AFDN: variants seen among roughly 807,000 people sequenced by gnomAD.
AFDN encodes afadin.
A neutral mutation model predicts 216.6 loss-of-function variants in AFDN; 68 were observed. The ratio of observed to expected loss-of-function variants is 0.31; its 90% CI spans 0.26 to 0.38. The LOEUF is 0.38. AFDN is among the 10% of genes least tolerant of loss of function. The pLI is 1.00. For synonymous variants in AFDN, 868 were observed against 853.7 expected (o/e 1.02, Z -0.29); for missense variants, 2,136 against 2,342.0 (o/e 0.91, Z 1.82).
chr6:167,923,990 T>G (rs1295889436), intron 22 of AFDN, among the ~76,000 whole-genome samples: 1 of 152,202 alleles, frequency 6.6e-6, no homozygotes, highest in Admixed American at 6.5e-5. Context: ...CAGCAACTTC[T>G]GTTTACCCAA....
chr6:167,966,347 C>T, intron 32 of AFDN: 3 of 1,270,738 alleles, frequency 2.4e-6, no homozygotes, highest in Non-Finnish European at 3.1e-6. Flanking sequence ...CACACTTGCC[C>T]TGTAGTATGG....
At chr6:167,928,091 A>C (rs1792801830) in intron 23 of AFDN, among the ~76,000 whole-genome samples, 1 of 152,254 alleles carries the variant, frequency 6.6e-6, no homozygotes, top group Non-Finnish European at 1.5e-5. Context: ...TCCAGTTAAA[A>C]GAAGTATCTT....
chr6:167,898,568 A>T lies in AFDN; in HGVS notation c.1580+101A>T, dbSNP rs547296550. The stretch of plus-strand genomic sequence containing the variant: ...GCTTTTTATTTTTGTTTCAATTTTT[A>T]AAAAAATATCAAAGTGAAGTTTGTG... On this transcript the variant is annotated intron_variant, in intron 11 of 33. Coordinates refer to ENST00000683244, the MANE Select transcript of AFDN (RefSeq NM_001386888.1). 8.5e-5 allele frequency: 109 copies of T among 1,289,488 alleles called. No individual in the cohort carries two copies. The East Asian group carries it at 2.1e-3, about 24-fold the overall frequency. 79.9% of individuals were successfully genotyped at this position (1,289,488 alleles called of 1,614,324 possible).
At chr6:167,919,004 C>T in intron 21 of AFDN, 71 bp downstream of exon 21, 1 of 1,338,462 alleles carries the variant, frequency 7.5e-7, no homozygotes, top group South Asian at 1.3e-5. Context: ...CATTGTCCAT[C>T]TCATAGGGTA....
chr6:167,907,131 G>T (rs1291268283), intron 12 of AFDN, 40 bp from the exon 13 acceptor site: 20 of 1,522,328 alleles, frequency 1.3e-5, no homozygotes, highest in Non-Finnish European at 1.8e-5. Flanking sequence ...TGGTTGGTCT[G>T]TGTGAGGTTC....
At chr6:167,880,814 TC>T (rs1786016996) in intron 6 of AFDN, among the ~76,000 whole-genome samples, 1 of 152,204 alleles carries the variant, frequency 6.6e-6, no homozygotes, top group Non-Finnish European at 1.5e-5. Context: ...TCTTTTCTGT[TC>T]CATTGATACA....
In AFDN at chr6:167,951,476, A is replaced by G. The variant is rs1212392119; in HGVS notation, c.4122A>G (p.Pro1374=). ...CAATCCGAACAGACCTGCCTCCGCCACCCCCGCCACCTCCAGTCCACTATG... is the reference window on the plus strand; with the variant it reads ...CAATCCGAACAGACCTGCCTCCGCCGCCCCCGCCACCTCCAGTCCACTATG... ...SQPIRTDLPP[P]PPPPPVHYAG... is the part of the protein sequence containing the mutation. The change falls in exon 30 of 34, where the codon CCA becomes CCG. Residue 1374 remains proline, a synonymous_variant. Coordinates refer to ENST00000683244, the MANE Select transcript of AFDN (RefSeq NM_001386888.1). The surrounding 1 kb of genome is among the most constrained non-coding windows in gnomAD (Gnocchi z 7.1). 2 of 1,613,080 alleles carry G rather than the reference A, an allele frequency of 1.2e-6. No individual in the cohort carries two copies. The highest frequency in any genetic ancestry group is 2.7e-5 in the African/African-American group (2 of 74,724).
intron 13 of AFDN, 78 bp from the exon 14 acceptor site, chr6:167,911,023 C>T: frequency 8.3e-7 from 1 of 1,198,232 alleles, no homozygotes; most frequent in South Asian, 1.3e-5. Flanking sequence ...AAAGTAGTTG[C>T]AGAAATCTAC....
intron 6 of AFDN, among the ~76,000 whole-genome samples, chr6:167,888,758 C>T (rs538429622): frequency 2.6e-5 from 4 of 151,994 alleles, no homozygotes; most frequent in Non-Finnish European, 4.4e-5. Context: ...TTCAAGAAAA[C>T]GAAAACTATT....
chr6:167,873,564 C>T (rs982760115), intron 4 of AFDN, among the ~76,000 whole-genome samples: 1 of 152,126 alleles, frequency 6.6e-6, no homozygotes, highest in Non-Finnish European at 1.5e-5. Context: ...AGGGTGCATT[C>T]TAGAAGAATG....
chr6:167,917,114 A>C lies in AFDN; in HGVS notation c.2591A>C (p.Lys864Thr). The part of the protein sequence containing the change: ...VQATTLLTMD[K>T]YAPDDIPNIN... The stretch of plus-strand genomic sequence containing the variant: ...GCAACGACTTTGCTTACCATGGATA[A>C]GTATGCACCTGATGACATTCCAAAT... Residue 864 changes from lysine to threonine, a missense_variant, in exon 20 of 34, where the codon AAG (lysine) becomes ACG (threonine). Physicochemically the swap from Lys to Thr is moderately conservative, Grantham distance 78. Coordinates refer to ENST00000683244, the MANE Select transcript of AFDN (RefSeq NM_001386888.1). 2 of 1,612,950 alleles carry C rather than the reference A, an allele frequency of 1.2e-6. No homozygotes were observed. Among genetic ancestry groups the C allele is most frequent in the Non-Finnish European group, 1.7e-6 (2 of 1,179,634 alleles).
chr6:167,954,592 C>A, intron 30 of AFDN: 2 of 997,902 alleles, frequency 2.0e-6, no homozygotes, highest in Non-Finnish European at 1.5e-6. Context: ...TCCAGTTCTC[C>A]TTAGGGGTGT....
chr6:167,925,100 A>G lies in AFDN; in HGVS notation c.3099+9A>G, dbSNP rs770326175. 18 of 1,597,194 alleles carry G rather than the reference A, an allele frequency of 1.1e-5. No homozygotes were observed. The highest frequency in any genetic ancestry group is 1.7e-4 in the Middle Eastern group (1 of 6,048). ...GCATTGTTGCAGCAAAGGTAGGCCA[A>G]TTAGTCACGTGCGAGTTGTTCTCTC... is the stretch of plus-strand genomic sequence containing the variant. On this transcript the variant is annotated intron_variant, in intron 23 of 33. Coordinates refer to ENST00000683244, the MANE Select transcript of AFDN (RefSeq NM_001386888.1).
intron 1 of AFDN, among the ~76,000 whole-genome samples, chr6:167,837,761 A>AC (rs1780609745): frequency 6.6e-6 from 1 of 152,172 alleles, no homozygotes; most frequent in African/African-American, 2.4e-5. Context: ...AGTGATTGGA[A>AC]CCCAGATCCT....
chr6:167,897,989 T>G (rs1364832244), intron 10 of AFDN, among the ~76,000 whole-genome samples: 1 of 152,148 alleles, frequency 6.6e-6, no homozygotes, highest in Non-Finnish European at 1.5e-5. Context: ...CTTAAGTCAC[T>G]GGGTACTAAA....
At chr6:167,960,514 A>G (rs1030477506) in intron 30 of AFDN, among the ~76,000 whole-genome samples, 1 of 152,256 alleles carries the variant, frequency 6.6e-6, no homozygotes, top group Non-Finnish European at 1.5e-5. Context: ...AGAAAATATT[A>G]ACATAAATTA....
chr6:167,854,678 C>T (rs573458034), intron 1 of AFDN, among the ~76,000 whole-genome samples: 5 of 151,680 alleles, frequency 3.3e-5, no homozygotes, highest in Admixed American at 6.6e-5. Flanking sequence ...TGAAGAACTT[C>T]GTCTTTTCCA....
chr6:167,905,827 C>G (rs1234823628), intron 12 of AFDN, among the ~76,000 whole-genome samples: 1 of 152,108 alleles, frequency 6.6e-6, no homozygotes, highest in South Asian at 2.1e-4. Flanking sequence ...TCTTATGGGC[C>G]GGATGTGGTG....
At position 167,969,953 on chromosome 6, in the gene AFDN, A is replaced by G. The variant is rs1188276933; in HGVS notation, c.*18A>G. On this transcript the variant is annotated 3_prime_UTR_variant, in exon 34 of 34. Coordinates refer to ENST00000683244, the MANE Select transcript of AFDN (RefSeq NM_001386888.1). The stretch of plus-strand genomic sequence containing the variant: ...CAAAGTGAAAGAAAATGAGGAGAAC[A>G]CTTTGTATTTACCCCAAAATCTTTT... The G allele has an allele frequency of 3.1e-6, 5 of 1,591,320 alleles. No individual in the cohort carries two copies. The highest frequency in any genetic ancestry group is 3.4e-6 in the Non-Finnish European group (4 of 1,172,632).
Sources: allele counts gnomAD v4.1 joint callset (sites outside exome capture counted in the v4.1 genomes callset), GRCh38; gene constraint gnomAD v4.1.1; non-coding constraint Gnocchi (gnomAD v3.1); transcripts MANE v1.5; gene names NCBI Gene and HGNC (gene_info 2026-07-23, HGNC 2026-07-21).